Variants in ADAMTS18 observed in about 807,000 individuals in gnomAD.
ADAMTS18 encodes the protein A disintegrin and metalloproteinase with thrombospondin motifs 18.
ADAMTS18 carries 157 observed loss-of-function variants against 165.9 expected under a neutral mutation model. That is an observed-to-expected ratio of 0.95 (90% CI 0.83 to 1.08). The LOEUF (loss-of-function observed/expected upper bound fraction) is 1.08, where lower values mean the gene tolerates loss of function less well. ADAMTS18 is among the 50% of genes least tolerant of loss of function. The pLI is 0.00. For missense variants in ADAMTS18, 2,040 were observed against 1,534.0 expected, an observed-to-expected ratio of 1.33 and a Z score of -5.51; for synonymous variants, 782 against 578.2, an observed-to-expected ratio of 1.35 and a Z score of -5.06.
At chr16:77,297,602 AAT>A (rs2055499133) in intron 17 of ADAMTS18, among the ~76,000 whole-genome samples, 187 bp from the exon 18 acceptor site, 1 of 148,000 alleles carries the variant, frequency 6.8e-6, no homozygotes, top group Non-Finnish European at 1.5e-5. Flanking sequence ...TCCCTAAAAT[AAT>A]ATATTTTATA....
chr16:77,406,268 A>G (rs1352885571), intron 3 of ADAMTS18, among the ~76,000 whole-genome samples: 1 of 152,184 alleles, frequency 6.6e-6, no homozygotes, highest in East Asian at 1.9e-4. Context: ...TATGGTCAAA[A>G]TAGATGCTGA....
intron 3 of ADAMTS18, among the ~76,000 whole-genome samples, chr16:77,423,118 T>C (rs1218383608): frequency 6.6e-6 from 1 of 152,202 alleles, no homozygotes; most frequent in African/African-American, 2.4e-5. Flanking sequence ...TCAGGTCCTT[T>C]TGAAGTGCCT....
At chr16:77,389,474 C>A (rs775679698) in intron 3 of ADAMTS18, among the ~76,000 whole-genome samples, 1 of 152,058 alleles carries the variant, frequency 6.6e-6, no homozygotes, top group Non-Finnish European at 1.5e-5. Flanking sequence ...CAGGTTAATT[C>A]GTTCAACAAA....
intron 2 of ADAMTS18, among the ~76,000 whole-genome samples, chr16:77,434,027 G>A (rs765719633): frequency 5.3e-5 from 8 of 152,140 alleles, no homozygotes; most frequent in Non-Finnish European, 1.2e-4. Context: ...AGAGGAAAGA[G>A]GCTCACATTC....
intron 3 of ADAMTS18, among the ~76,000 whole-genome samples, chr16:77,428,048 G>A (rs1597263546): frequency 6.6e-6 from 1 of 152,146 alleles, no homozygotes; most frequent in African/African-American, 2.4e-5. Context: ...AGGTGACATC[G>A]CTTTCCTAAT....
At chr16:77,345,752 AACAGAGAACATTTGCATC>A (rs1181063200) in intron 10 of ADAMTS18, among the ~76,000 whole-genome samples, 1 of 152,256 alleles carries the variant, frequency 6.6e-6, no homozygotes, top group Non-Finnish European at 1.5e-5. Context: ...CATATTGGAT[AACAGAGAACATTTGCATC>A]ATTATGGAGA....
At chr16:77,298,607 C>T (rs1229519744) in intron 17 of ADAMTS18, among the ~76,000 whole-genome samples, 2 of 151,998 alleles carry the variant, frequency 1.3e-5, no homozygotes, top group Admixed American at 1.3e-4. Flanking sequence ...GCCTGGGCAA[C>T]ATGGCAAAAC....
rs143060133 is a variant in ADAMTS18, at chr16:77,289,129, C to T, written c.3550+135G>A. 8.2e-6 allele frequency: 9 copies of T among 1,104,266 alleles called. No homozygotes were observed. In the East Asian group the frequency reaches 1.9e-4, roughly 23 times the overall value. 68.4% of individuals were successfully genotyped at this position (1,104,266 alleles called of 1,614,324 possible). The stretch of plus-strand genomic sequence containing the variant: ...TGGTGCCTTATACAACTCCAGGGAG[C>T]ACTGTCACATAGACTTCGGGTGAAT... On this transcript the variant is annotated intron_variant, in intron 22 of 22. Coordinates refer to ENST00000282849, the MANE Select transcript of ADAMTS18 (RefSeq NM_199355.4).
chr16:77,403,766 C>G (rs1157591488), intron 3 of ADAMTS18, among the ~76,000 whole-genome samples: 1 of 152,156 alleles, frequency 6.6e-6, no homozygotes, highest in Non-Finnish European at 1.5e-5. Context: ...AGACACAGCC[C>G]TCCTCACAGC....
chr16:77,428,597 A>T (rs1183324162), intron 3 of ADAMTS18, among the ~76,000 whole-genome samples: 2 of 152,128 alleles, frequency 1.3e-5, no homozygotes, highest in Admixed American at 6.5e-5. Flanking sequence ...TAGTACAACC[A>T]CTTTGAAAAG....
chr16:77,414,508 TATTTC>T (rs2057504787), intron 3 of ADAMTS18, among the ~76,000 whole-genome samples: 1 of 152,240 alleles, frequency 6.6e-6, no homozygotes. Context: ...AAATTTTCCC[TATTTC>T]TTTTTGCTTT....
intron 10 of ADAMTS18, among the ~76,000 whole-genome samples, chr16:77,348,257 G>A (rs1395030012): frequency 6.6e-6 from 1 of 152,092 alleles, no homozygotes; most frequent in East Asian, 1.9e-4. Context: ...TGGAGTCCAA[G>A]AAATGGAAAT....
chr16:77,340,576 A>G (rs1192229178), intron 11 of ADAMTS18, among the ~76,000 whole-genome samples: 1 of 152,142 alleles, frequency 6.6e-6, no homozygotes, highest in East Asian at 1.9e-4. Context: ...TTATTGTGGA[A>G]TGAAATAACT....
At chr16:77,389,338 C>A (rs1227233156) in intron 3 of ADAMTS18, among the ~76,000 whole-genome samples, 1 of 152,128 alleles carries the variant, frequency 6.6e-6, no homozygotes, top group African/African-American at 2.4e-5. Flanking sequence ...TTTACATGAT[C>A]TAATTCCACA....
At chr16:77,340,592 T>C (rs2056383539) in intron 11 of ADAMTS18, among the ~76,000 whole-genome samples, 1 of 152,158 alleles carries the variant, frequency 6.6e-6, no homozygotes, top group South Asian at 2.1e-4. Context: ...TAACTTTTTC[T>C]TTTTTAGAGA....
chr16:77,305,385 C>G (rs2055663165), intron 16 of ADAMTS18, among the ~76,000 whole-genome samples: 1 of 152,174 alleles, frequency 6.6e-6, no homozygotes, highest in South Asian at 2.1e-4. Flanking sequence ...TTTCTCAAAT[C>G]AAATCCACCC....
At chr16:77,313,572 A>G (rs2055825450) in intron 16 of ADAMTS18, among the ~76,000 whole-genome samples, 1 of 152,154 alleles carries the variant, frequency 6.6e-6, no homozygotes, top group African/African-American at 2.4e-5. Flanking sequence ...GGAGAGACGA[A>G]CAACAGAAAA....
chr16:77,357,874 T>C (rs1022433370), intron 8 of ADAMTS18, among the ~76,000 whole-genome samples: 9 of 152,220 alleles, frequency 5.9e-5, no homozygotes, highest in Non-Finnish European at 1.3e-4. Flanking sequence ...ACTTCTCTCC[T>C]GAATCCTACC....
At chr16:77,310,127 C>T (rs1377564262) in intron 16 of ADAMTS18, among the ~76,000 whole-genome samples, 1 of 152,188 alleles carries the variant, frequency 6.6e-6, no homozygotes. Flanking sequence ...GGTCCCTTCA[C>T]TCCTGGCTTC....
Sources: gnomAD v4.1 joint callset for allele counts (sites outside exome capture counted in the v4.1 genomes callset) on GRCh38, gnomAD v4.1.1 for gene constraint, MANE v1.5 for transcripts, NCBI Gene and HGNC (gene_info 2026-07-23, HGNC 2026-07-21) for gene names.